GPM6A: variants seen among roughly 807,000 people sequenced by gnomAD.
The protein encoded by GPM6A is neuronal membrane glycoprotein M6-a.
GPM6A carries 7 observed loss-of-function variants against 32.1 expected under a neutral mutation model. The ratio of observed to expected loss-of-function variants is 0.22; its 90% CI spans 0.12 to 0.41. The LOEUF is 0.41. GPM6A is among the 10% of genes least tolerant of loss of function. GPM6A has a pLI of 1.00. For missense variants in GPM6A, 235 were observed against 347.2 expected (o/e 0.68, Z 2.57); for synonymous variants, 130 against 123.4 (o/e 1.05, Z -0.35).
intron 1 of GPM6A, among the ~76,000 whole-genome samples, chr4:175,891,044 T>C (rs1737632683): frequency 6.6e-6 from 1 of 152,088 alleles, no homozygotes; most frequent in South Asian, 2.1e-4. Flanking sequence ...CACTAACAAC[T>C]AGGGTCTGGC....
At chr4:175,982,019 T>A (rs1740834927) in intron 1 of GPM6A, among the ~76,000 whole-genome samples, 2 of 152,136 alleles carry the variant, frequency 1.3e-5, no homozygotes, top group African/African-American at 4.8e-5. Context: ...ACTAATAATA[T>A]TTTATGTATT....
At chr4:175,767,200 C>T (rs554014225) in intron 1 of GPM6A, among the ~76,000 whole-genome samples, 28 of 152,276 alleles carry the variant, frequency 1.8e-4, no homozygotes, top group African/African-American at 6.3e-4. Context: ...AAGATACATA[C>T]TATTCTTTTC....
At chr4:175,941,462 C>T (rs1011873885) in intron 1 of GPM6A, among the ~76,000 whole-genome samples, 2 of 152,026 alleles carry the variant, frequency 1.3e-5, no homozygotes, top group Non-Finnish European at 2.9e-5. Context: ...CATAGGTATA[C>T]ACATGCCATG....
chr4:175,637,581 A>C (rs1282854043), intron 6 of GPM6A, among the ~76,000 whole-genome samples: 1 of 20,332 alleles, frequency 4.9e-5, no homozygotes, highest in Non-Finnish European at 8.6e-5. Flanking sequence ...ATATTATATA[A>C]AATATATTAT....
intron 2 of GPM6A, among the ~76,000 whole-genome samples, chr4:175,692,404 T>C (rs1187189260): frequency 6.6e-6 from 1 of 152,180 alleles, no homozygotes; most frequent in Admixed American, 6.5e-5. Flanking sequence ...GATAAATTGA[T>C]AGGTTATAAA....
intron 1 of GPM6A, chr4:175,787,694 G>GA (rs1411470436): frequency 3.6e-6 from 3 of 843,916 alleles, no homozygotes; most frequent in Non-Finnish European, 4.4e-6. Context: ...AATTTTCTTT[G>GA]AAAAATCTGT....
intron 3 of GPM6A, among the ~76,000 whole-genome samples, chr4:175,672,861 G>A (rs1042986254): frequency 1.1e-4 from 16 of 152,098 alleles, no homozygotes; most frequent in African/African-American, 3.4e-4. Flanking sequence ...AATAAAATGT[G>A]TTAGAAACAG....
At chr4:175,711,891 T>A (rs1745575629) in intron 1 of GPM6A, among the ~76,000 whole-genome samples, 1 of 151,920 alleles carries the variant, frequency 6.6e-6, no homozygotes, top group Admixed American at 6.6e-5. Flanking sequence ...GCAAGCCTAA[T>A]CTTTCCTGGT....
intron 2 of GPM6A, among the ~76,000 whole-genome samples, chr4:175,689,578 A>G (rs2111032371): frequency 6.6e-6 from 1 of 152,294 alleles, no homozygotes; most frequent in East Asian, 1.9e-4. Context: ...TGCACTTGGA[A>G]AGAATATGTA....
chr4:175,677,816 G>C (rs1336046971), intron 2 of GPM6A, among the ~76,000 whole-genome samples: 1 of 152,088 alleles, frequency 6.6e-6, no homozygotes, highest in African/African-American at 2.4e-5. Flanking sequence ...AAGAAATCCT[G>C]AGATAAGCAT....
chr4:175,975,523 T>C lies in GPM6A; in HGVS notation c.-23+26786A>G, dbSNP rs1045951123. On this transcript the variant is annotated intron_variant, in intron 1 of 7. Transcript: ENST00000280187. ...ATGATGGTCATTCAATCAAAATTTA[T>C]TTAGCGAGTAAATGAATGGGCACAA... Among the ~76,000 whole-genome samples, 3 of 152,342 alleles carry C rather than the reference T, an allele frequency of 2.0e-5. No individual in the cohort carries two copies. In the South Asian group the frequency reaches 6.2e-4, roughly 32 times the overall value.
At chr4:175,947,728 C>A (rs1162647981) in intron 1 of GPM6A, 1 of 152,036 alleles carries the variant, frequency 6.6e-6, no homozygotes, top group Non-Finnish European at 1.5e-5. Context: ...ATAATTTAAC[C>A]AAAGACACCC....
intron 1 of GPM6A, among the ~76,000 whole-genome samples, chr4:175,886,776 A>G (rs1478126979): frequency 6.6e-6 from 1 of 151,486 alleles, no homozygotes; most frequent in Non-Finnish European, 1.5e-5. Context: ...CCAATAAGAC[A>G]ACAGAAATAA....
chr4:175,958,804 T>C (rs1740072009), intron 1 of GPM6A, among the ~76,000 whole-genome samples: 1 of 152,214 alleles, frequency 6.6e-6, no homozygotes, highest in Non-Finnish European at 1.5e-5. Context: ...TTGGTTTCAC[T>C]CAACAAAATC....
At chr4:175,797,756 A>G (rs927090712) in intron 1 of GPM6A, among the ~76,000 whole-genome samples, 4 of 152,228 alleles carry the variant, frequency 2.6e-5, no homozygotes, top group Non-Finnish European at 1.5e-5. Flanking sequence ...AGGCAAAATT[A>G]TAGCGGTGTT....
At chr4:175,717,866 A>G (rs1745920701) in intron 1 of GPM6A, among the ~76,000 whole-genome samples, 1 of 152,204 alleles carries the variant, frequency 6.6e-6, no homozygotes, top group Non-Finnish European at 1.5e-5. Flanking sequence ...TTTCAGCATA[A>G]ATAAGGCATT....
At chr4:175,702,703 G>T (rs1426058906) in intron 1 of GPM6A, among the ~76,000 whole-genome samples, 1 of 152,098 alleles carries the variant, frequency 6.6e-6, no homozygotes, top group African/African-American at 2.4e-5. Context: ...TTTTAGTAGA[G>T]ACAGGGTTTC....
intron 1 of GPM6A, among the ~76,000 whole-genome samples, chr4:175,934,410 A>G (rs1355537534): frequency 2.6e-5 from 4 of 152,254 alleles, no homozygotes; most frequent in African/African-American, 9.6e-5. Context: ...TACTGGTTAA[A>G]AACGAAATCA....
rs1049424314 is a variant in GPM6A, at chr4:175,651,701, T to G, written c.541+133A>C. On this transcript the variant is annotated intron_variant, in intron 4 of 6. Coordinates refer to ENST00000393658, the MANE Select transcript of GPM6A (RefSeq NM_201591.3). Reference sequence around the variant, plus strand: ...AAGGGAATAGCCTTAGCAGTAATACTCTGATAAATTTATCTCTGTGGTAGA... The same window carrying G: ...AAGGGAATAGCCTTAGCAGTAATACGCTGATAAATTTATCTCTGTGGTAGA... The G allele has an allele frequency of 3.4e-5, 23 of 685,166 alleles. No individual in the cohort carries two copies. The East Asian group carries it at 5.9e-4, about 18-fold the overall frequency. 42.4% of individuals were successfully genotyped at this position (685,166 alleles called of 1,614,324 possible).
Sources: allele counts gnomAD v4.1 joint callset (sites outside exome capture counted in the v4.1 genomes callset), GRCh38; gene constraint gnomAD v4.1.1; transcripts MANE v1.5; gene names NCBI Gene and HGNC (gene_info 2026-07-23, HGNC 2026-07-21).